The following TACR1 variants were observed in gnomAD, a reference collection of about 807,000 sequenced individuals.
The protein encoded by TACR1 is tachykinin receptor 1.
TACR1 carries 25 observed loss-of-function variants against 35.8 expected under a neutral mutation model. The observed-to-expected ratio is 0.70, with a 90% confidence interval of 0.51 to 0.98. TACR1 has a LOEUF of 0.98. Ranked by LOEUF, TACR1 falls within the 50% of genes least tolerant of loss-of-function variation. The pLI is 0.00. For synonymous variants in TACR1, 195 were observed against 206.7 expected (o/e 0.94, Z 0.48); for missense variants, 478 against 522.9 (o/e 0.91, Z 0.84).
chr2:75,120,492 G>GGAAA, intron 2 of TACR1, 82 bp downstream of exon 2: 2 of 1,304,694 alleles, frequency 1.5e-6, no homozygotes, highest in Middle Eastern at 2.4e-4. Flanking sequence ...AAAAGAATAT[G>GGAAA]GAAAGAAAGA....
At position 75,082,946 on chromosome 2, in the gene TACR1, A is replaced by T. The variant is rs1203836761; in HGVS notation, c.585-29191T>A. 5.3e-5 allele frequency among the ~76,000 whole-genome samples: 8 copies of T among 150,020 alleles called. No homozygotes were observed. The East Asian group carries it at 1.4e-3, about 26-fold the overall frequency. On this transcript the variant is annotated intron_variant, in intron 2 of 4. Coordinates refer to ENST00000305249, the MANE Select transcript of TACR1 (RefSeq NM_001058.4). ...TTAGTTTAATTAGATCCCATTTGTC[A>T]ATTTTGGCTTTTGTTGCCATTGCTT...
chr2:75,152,222 A>G (rs1411226749), intron 1 of TACR1, among the ~76,000 whole-genome samples: 1 of 152,086 alleles, frequency 6.6e-6, no homozygotes, highest in Non-Finnish European at 1.5e-5. Flanking sequence ...AGAACATGAG[A>G]TCTGTAGGGC....
chr2:75,058,980 G>A (rs1428862482), intron 2 of TACR1, among the ~76,000 whole-genome samples: 1 of 152,170 alleles, frequency 6.6e-6, no homozygotes, highest in African/African-American at 2.4e-5. Context: ...GGTGCCTTAA[G>A]GTAGGGGAAG....
intron 2 of TACR1, among the ~76,000 whole-genome samples, chr2:75,115,589 T>G (rs1177976454): frequency 1.3e-5 from 2 of 151,924 alleles, no homozygotes; most frequent in Non-Finnish European, 2.9e-5. Flanking sequence ...TAGCATACAT[T>G]CAAAAAGCAG....
At chr2:75,174,193 C>T (rs984560123) in intron 1 of TACR1, among the ~76,000 whole-genome samples, 7 of 152,298 alleles carry the variant, frequency 4.6e-5, no homozygotes, top group African/African-American at 1.2e-4. Flanking sequence ...TCCACTGCAA[C>T]ACTGAAGACT....
At chr2:75,082,322 T>G (rs1323089545) in intron 2 of TACR1, among the ~76,000 whole-genome samples, 2 of 151,924 alleles carry the variant, frequency 1.3e-5, no homozygotes, top group South Asian at 2.1e-4. Flanking sequence ...GTCTATCATT[T>G]ATGGACATTT....
At chr2:75,129,531 G>A (rs906921818) in intron 1 of TACR1, among the ~76,000 whole-genome samples, 2 of 152,146 alleles carry the variant, frequency 1.3e-5, no homozygotes, top group Admixed American at 1.3e-4. Context: ...TGAGGTGATG[G>A]ATATGCTAAT....
At chr2:75,152,426 G>C (rs1168121898) in intron 1 of TACR1, among the ~76,000 whole-genome samples, 62 of 152,286 alleles carry the variant, frequency 4.1e-4, no homozygotes, top group Non-Finnish European at 2.4e-4. Context: ...AGGGGTTTCT[G>C]CTTTTGCTTC....
chr2:75,152,315 TGGGAGGAACCCAGG>T (rs1344543025), intron 1 of TACR1, among the ~76,000 whole-genome samples: 1 of 152,178 alleles, frequency 6.6e-6, no homozygotes, highest in Non-Finnish European at 1.5e-5. Flanking sequence ...CCACGTGTTG[TGGGAGGAACCCAGG>T]GGGAGGTAAT....
intron 1 of TACR1, among the ~76,000 whole-genome samples, chr2:75,197,511 T>C (rs1211532248): frequency 3.3e-5 from 5 of 152,164 alleles, no homozygotes; most frequent in Non-Finnish European, 5.9e-5. Flanking sequence ...AGGTAAACAT[T>C]TAACACCTGT....
At chr2:75,116,441 A>G (rs1274638431) in intron 2 of TACR1, among the ~76,000 whole-genome samples, 1 of 152,110 alleles carries the variant, frequency 6.6e-6, no homozygotes, top group Non-Finnish European at 1.5e-5. Context: ...TCTACTGATG[A>G]TGGATATTTG....
At chr2:75,166,213 C>G (rs964611132) in intron 1 of TACR1, among the ~76,000 whole-genome samples, 1 of 152,248 alleles carries the variant, frequency 6.6e-6, no homozygotes, top group East Asian at 1.9e-4. Context: ...ACGTGGTCAT[C>G]TGGAGACAGA....
chr2:75,060,722 G>T (rs1190300695), intron 2 of TACR1, among the ~76,000 whole-genome samples: 1 of 152,194 alleles, frequency 6.6e-6, no homozygotes, highest in Non-Finnish European at 1.5e-5. Context: ...GGCAATAGTG[G>T]AGCATGGATG....
At chr2:75,165,740 C>A (rs17010843) in intron 1 of TACR1, among the ~76,000 whole-genome samples, 6,401 of 152,252 alleles carry the variant, frequency 0.042, 223 homozygotes, top group South Asian at 0.17. Context: ...CTTATTATGG[C>A]AAATCCTTTA....
intron 2 of TACR1, among the ~76,000 whole-genome samples, chr2:75,062,859 C>A: frequency 6.6e-6 from 1 of 152,182 alleles, no homozygotes; most frequent in East Asian, 1.9e-4. Flanking sequence ...AATTATAATT[C>A]TTAACTCATT....
At chr2:75,157,838 A>C (rs1674900684) in intron 1 of TACR1, among the ~76,000 whole-genome samples, 1 of 152,214 alleles carries the variant, frequency 6.6e-6, no homozygotes, top group Admixed American at 6.5e-5. Flanking sequence ...AAATCTTCTG[A>C]TTATTGAAAG....
chr2:75,148,759 C>T lies in TACR1; in HGVS notation c.390-27991G>A, dbSNP rs550156912. On this transcript the variant is annotated intron_variant, in intron 1 of 4. Coordinates refer to ENST00000305249, the MANE Select transcript of TACR1 (RefSeq NM_001058.4). Reference sequence around the variant, plus strand: ...CATTTGTCAATTGCAGCTTTGGTTGCAATTGCTTTTGGTGTTTTCATCATG... The same window carrying T: ...CATTTGTCAATTGCAGCTTTGGTTGTAATTGCTTTTGGTGTTTTCATCATG... Among the ~76,000 whole-genome samples the T allele has an allele frequency of 1.8e-3, 269 of 152,256 alleles. 1 individual carries two copies. Among genetic ancestry groups the T allele is most frequent in the African/African-American group, 6.2e-3 (256 of 41,550 alleles).
intron 2 of TACR1, among the ~76,000 whole-genome samples, chr2:75,119,291 GT>G (rs1255491848): frequency 2.6e-5 from 4 of 152,150 alleles, no homozygotes; most frequent in African/African-American, 9.7e-5. Context: ...CACAAGAATT[GT>G]TTATAGGAAA....
chr2:75,070,391 C>T (rs1672854672), intron 2 of TACR1, among the ~76,000 whole-genome samples: 1 of 152,128 alleles, frequency 6.6e-6, no homozygotes, highest in Non-Finnish European at 1.5e-5. Flanking sequence ...GAATAAAAAC[C>T]ACCATCTAGA....
Sources: allele counts gnomAD v4.1 joint callset (sites outside exome capture counted in the v4.1 genomes callset), GRCh38; gene constraint gnomAD v4.1.1; transcripts MANE v1.5; gene names NCBI Gene and HGNC (gene_info 2026-07-23, HGNC 2026-07-21).